Variants in ZSCAN25 observed in about 807,000 individuals in gnomAD.
ZSCAN25 encodes zinc finger and SCAN domain-containing protein 25.
In ZSCAN25, 27 loss-of-function variants were observed where a neutral mutation model predicts 38.7. The ratio of observed to expected loss-of-function variants is 0.70; its 90% CI spans 0.51 to 0.96. The LOEUF is 0.96. Ranked by LOEUF, ZSCAN25 falls within the 40% of genes least tolerant of loss-of-function variation. ZSCAN25 has a pLI of 0.00. For synonymous variants in ZSCAN25, 273 were observed against 277.7 expected, an observed-to-expected ratio of 0.98 and a Z score of 0.17; for missense variants, 637 against 705.9, an observed-to-expected ratio of 0.90 and a Z score of 1.11.
At chr7:99,640,072 A>T in the ZSCAN25 span, among the ~76,000 whole-genome samples, 1 of 152,188 alleles carries the variant, frequency 6.6e-6, no homozygotes, top group African/African-American at 2.4e-5. Flanking sequence ...GTCTCAAACA[A>T]AAACTACTTA....
rs1806986210 is a variant in ZSCAN25 at position 99,621,757 on chromosome 7, C to G, written c.589+183C>G. On this transcript the variant is annotated intron_variant, in intron 5 of 7. Transcript: ENST00000394152. ...TGAAATTGTTTCTTCTCCCTTTACC[C>G]TCTGGTGTCTGGAGGGGATATCTGG... 6.9e-6 allele frequency: 3 copies of G among 437,148 alleles called. No individual in the cohort carries two copies. In the South Asian group the frequency reaches 3.6e-4, roughly 53 times the overall value. 27.1% of individuals were successfully genotyped at this position (437,148 alleles called of 1,614,324 possible).
At chr7:99,714,625 C>A in the ZSCAN25 span, 1 of 1,612,358 alleles carries the variant, frequency 6.2e-7, no homozygotes, top group South Asian at 1.1e-5. Flanking sequence ...TATAACTTTT[C>A]TTGGAAACAC....
the ZSCAN25 span, among the ~76,000 whole-genome samples, chr7:99,716,468 C>T: frequency 2.0e-5 from 3 of 152,080 alleles, no homozygotes; most frequent in African/African-American, 7.2e-5. Flanking sequence ...CTGAGGTTGC[C>T]CTGATGGCAG....
the ZSCAN25 span, among the ~76,000 whole-genome samples, chr7:99,731,401 G>A: frequency 6.6e-6 from 1 of 152,204 alleles, no homozygotes; most frequent in Admixed American, 6.5e-5. Flanking sequence ...CCCAGTCTGG[G>A]ATGAATATTT....
chr7:99,629,398 TCAAAACCCA>T lies in ZSCAN25; in HGVS notation c.1016_1024del (p.Lys339_His341del), dbSNP rs1333150384. On this transcript the variant is annotated inframe_deletion, in exon 8 of 8. Transcript: ENST00000394152. This position sits in a 1 kb window ranked among gnomAD's most constrained non-coding sequence, Gnocchi z 5.6. ...GGTGCCATCCCCCTGCCTGACGAAGTCAAAACCCACAGCTCCTTCTGGAAGCCTTTCCAG... is the reference window on the plus strand; with the variant it reads ...GGTGCCATCCCCCTGCCTGACGAAGTCAGCTCCTTCTGGAAGCCTTTCCAG... 6.2e-7 allele frequency: 1 copy of T among 1,613,908 alleles called. No homozygotes were observed. Among genetic ancestry groups the T allele is most frequent in the Non-Finnish European group, 8.5e-7 (1 of 1,179,998 alleles).
chr7:99,623,727 T>C (rs1278388746), intron 6 of ZSCAN25, among the ~76,000 whole-genome samples: 1 of 152,204 alleles, frequency 6.6e-6, no homozygotes, highest in Non-Finnish European at 1.5e-5. Context: ...TGAGGATGCA[T>C]TTATTTTATC....
At chr7:99,659,883 G>C in the ZSCAN25 span, 3 of 149,908 alleles carry the variant, frequency 2.0e-5, no homozygotes, top group African/African-American at 7.7e-5. Flanking sequence ...CCATGCGCGG[G>C]ATATAATCTC....
At chr7:99,727,308 A>G in the ZSCAN25 span, among the ~76,000 whole-genome samples, 1 of 152,198 alleles carries the variant, frequency 6.6e-6, no homozygotes, top group Non-Finnish European at 1.5e-5. Context: ...CACCACCCTA[A>G]TACTTTTAGA....
chr7:99,725,391 C>A, the ZSCAN25 span, among the ~76,000 whole-genome samples: 1 of 152,152 alleles, frequency 6.6e-6, no homozygotes, highest in African/African-American at 2.4e-5. Context: ...AGAGAAGAGG[C>A]GGCCAAGTGA....
At chr7:99,700,975 G>C in the ZSCAN25 span, among the ~76,000 whole-genome samples, 1 of 152,196 alleles carries the variant, frequency 6.6e-6, no homozygotes, top group African/African-American at 2.4e-5. Flanking sequence ...CATACATGAA[G>C]AGACTTACCT....
the ZSCAN25 span, among the ~76,000 whole-genome samples, chr7:99,638,058 C>T: frequency 2.0e-5 from 3 of 152,170 alleles, no homozygotes; most frequent in African/African-American, 2.4e-5. Context: ...AACGCAAAGC[C>T]GAAAAAGGAA....
chr7:99,674,474 A>G, the ZSCAN25 span: 4 of 1,369,776 alleles, frequency 2.9e-6, no homozygotes, highest in Non-Finnish European at 4.2e-6. Context: ...ACTATCCTGC[A>G]GTGGGGTAAC....
chr7:99,730,231 A>G, the ZSCAN25 span, among the ~76,000 whole-genome samples: 1 of 152,348 alleles, frequency 6.6e-6, no homozygotes, highest in African/African-American at 2.4e-5. Flanking sequence ...GTGAAATTAA[A>G]TATTCAATAA....
the ZSCAN25 span, chr7:99,685,038 G>A: frequency 1.2e-6 from 1 of 847,418 alleles, no homozygotes. Flanking sequence ...AGTGGATGAA[G>A]CCCATCTTCA....
chr7:99,703,207 G>A, the ZSCAN25 span, among the ~76,000 whole-genome samples: 2 of 152,128 alleles, frequency 1.3e-5, no homozygotes, highest in African/African-American at 4.8e-5. Context: ...CATTTGGAGG[G>A]TCTTTTTCAA....
the ZSCAN25 span, chr7:99,685,059 C>G: frequency 1.9e-6 from 2 of 1,035,352 alleles, no homozygotes; most frequent in Admixed American, 3.6e-5. Flanking sequence ...TTTCAGGGTA[C>G]TATTCACAAA....
the ZSCAN25 span, among the ~76,000 whole-genome samples, chr7:99,721,166 G>A: frequency 1.3e-5 from 2 of 152,272 alleles, no homozygotes; most frequent in East Asian, 3.9e-4. Context: ...GAACACAATG[G>A]TTTAAGAATA....
the ZSCAN25 span, chr7:99,709,150 C>A: frequency 3.1e-6 from 5 of 1,613,966 alleles, no homozygotes; most frequent in Non-Finnish European, 3.4e-6. Flanking sequence ...ATTTCAACAT[C>A]TTTTTTGCAG....
intron 7 of ZSCAN25, among the ~76,000 whole-genome samples, chr7:99,625,298 A>G (rs1487734533): frequency 1.3e-5 from 2 of 152,178 alleles, no homozygotes; most frequent in East Asian, 1.9e-4. Flanking sequence ...AAGTATTACT[A>G]AGGGATTCTT....
Sources: gnomAD v4.1 joint callset for allele counts (sites outside exome capture counted in the v4.1 genomes callset) on GRCh38, gnomAD v4.1.1 for gene constraint, Gnocchi (gnomAD v3.1) non-coding constraint, MANE v1.5 for transcripts, NCBI Gene and HGNC (gene_info 2026-07-23, HGNC 2026-07-21) for gene names.